TNRC6A: variants seen among roughly 807,000 people sequenced by gnomAD.
TNRC6A encodes trinucleotide repeat containing adaptor 6A.
A neutral mutation model predicts 221.2 loss-of-function variants in TNRC6A; 44 were observed. The observed-to-expected ratio is 0.20, with a 90% CI of 0.16 to 0.26. The LOEUF (loss-of-function observed/expected upper bound fraction) is 0.26. Among genes scored for constraint, TNRC6A ranks in the 10% least tolerant of loss-of-function variants. The pLI is 1.00. For missense variants in TNRC6A, 2,199 were observed against 2,404.4 expected (o/e 0.91, Z 1.79); for synonymous variants, 847 against 838.5 (o/e 1.01, Z -0.18).
chr16:24,628,277 G>A (rs1305531173), intron 1 of TNRC6A, among the ~76,000 whole-genome samples: 1 of 151,772 alleles, frequency 6.6e-6, no homozygotes, highest in African/African-American at 2.4e-5. Flanking sequence ...AAAATTAGCT[G>A]GGTGTGGTGG....
At chr16:24,656,265 C>A in intron 2 of TNRC6A, among the ~76,000 whole-genome samples, 1 of 151,682 alleles carries the variant, frequency 6.6e-6, no homozygotes. Context: ...GAGTTCGAAA[C>A]CAGCCTGGCC....
At chr16:24,626,522 C>T (rs529246672) in intron 1 of TNRC6A, among the ~76,000 whole-genome samples, 2 of 152,154 alleles carry the variant, frequency 1.3e-5, no homozygotes, top group South Asian at 2.1e-4. Context: ...ACTTTCAAGC[C>T]TTTTCCTGCT....
chr16:24,704,664 CAAAAAAAAAAAAAAAAAA>C (rs58926085), intron 2 of TNRC6A, among the ~76,000 whole-genome samples: 3 of 69,458 alleles, frequency 4.3e-5, no homozygotes, highest in South Asian at 5.8e-4. Context: ...GACTCCGTCT[CAAAAAAAAAAAAAAAAAA>C]AAAAAAAAAA....
At position 24,669,941 on chromosome 16, in the gene TNRC6A, C is replaced by CTTTTTTT. The variant is rs535737725; in HGVS notation, n.402+28953_402+28959dup. Among the ~76,000 whole-genome samples the CTTTTTTT allele has an allele frequency of 6.6e-4, 18 of 27,186 alleles. 7 individuals are homozygous for CTTTTTTT. The highest frequency in any genetic ancestry group is 7.3e-4 in the Non-Finnish European group (11 of 15,100). 17.8% of individuals were successfully genotyped at this position (27,186 alleles called of 152,430 possible). On this transcript the variant is annotated intron_variant and non_coding_transcript_variant, in intron 2 of 2. Transcript: ENST00000566108. ...TCGTTATGACCCTATGAGGCAGCTA[C>CTTTTTTT]TTTTTTTTTTTTTTTTTTTTTTTTT... is the stretch of plus-strand genomic sequence containing the variant.
At chr16:24,758,922 T>C (rs895155316) in intron 4 of TNRC6A, among the ~76,000 whole-genome samples, 4 of 152,064 alleles carry the variant, frequency 2.6e-5, no homozygotes, top group African/African-American at 9.7e-5. Context: ...CACTAATTCC[T>C]CTCAGATCCT....
chr16:24,655,264 G>A (rs746015318), intron 2 of TNRC6A, among the ~76,000 whole-genome samples: 2 of 151,952 alleles, frequency 1.3e-5, no homozygotes, highest in East Asian at 1.9e-4. Flanking sequence ...TTTGAAAGGC[G>A]GGGGGGAACA....
intron 2 of TNRC6A, among the ~76,000 whole-genome samples, chr16:24,722,868 G>A (rs537036006): frequency 6.6e-6 from 1 of 152,324 alleles, no homozygotes; most frequent in African/African-American, 2.4e-5. Context: ...AAAGAAAGCA[G>A]ATTAGAGACC....
At chr16:24,795,788 C>G (rs2058206674) in intron 8 of TNRC6A, 119 bp from the exon 9 acceptor site, 3 of 902,052 alleles carry the variant, frequency 3.3e-6, no homozygotes, top group Non-Finnish European at 3.3e-6. Context: ...GGTGACTTGC[C>G]CAAAGTTGCG....
chr16:24,781,450 T>C (rs569958344), intron 5 of TNRC6A, among the ~76,000 whole-genome samples: 1 of 152,318 alleles, frequency 6.6e-6, no homozygotes, highest in South Asian at 2.1e-4. Context: ...CAGTCTTTAA[T>C]GTATTACATC....
At chr16:24,729,922 G>GGCA (rs1272156953) in intron 1 of TNRC6A, 76 bp downstream of exon 1, 5 of 1,174,018 alleles carry the variant, frequency 4.3e-6, no homozygotes, top group Non-Finnish European at 4.2e-6. Context: ...CCGCGGCGGC[G>GGCA]GCAGCAGAGG....
At chr16:24,638,687 T>A (rs538864895) in intron 1 of TNRC6A, among the ~76,000 whole-genome samples, 2 of 150,902 alleles carry the variant, frequency 1.3e-5, no homozygotes, top group East Asian at 3.9e-4. Context: ...CACTCCAGCC[T>A]GGGCAACAGA....
rs1479279924 is a variant in TNRC6A, at chr16:24,742,882, G to A, written c.54-7844G>A. Among the ~76,000 whole-genome samples, 4 of 152,182 alleles carry A rather than the reference G, an allele frequency of 2.6e-5. No individual in the cohort carries two copies. The East Asian group carries it at 5.8e-4, about 22-fold the overall frequency. On this transcript the variant is annotated intron_variant, in intron 2 of 24. Coordinates refer to ENST00000395799, the MANE Select transcript of TNRC6A (RefSeq NM_014494.4). ...GGAGGCGGAGGTGGCAGTGAGCCGA[G>A]ATCGAGCCATTGCACTCCAGCCTGG... is the stretch of plus-strand genomic sequence containing the variant.
chr16:24,684,913 C>A (rs1393561596), intron 2 of TNRC6A, among the ~76,000 whole-genome samples: 2 of 152,228 alleles, frequency 1.3e-5, no homozygotes, highest in East Asian at 3.8e-4. Context: ...TCACTTTCTT[C>A]TAAACTCACT....
chr16:24,617,478 T>A (rs1900423284), intron 1 of TNRC6A, among the ~76,000 whole-genome samples: 1 of 152,204 alleles, frequency 6.6e-6, no homozygotes, highest in Non-Finnish European at 1.5e-5. Context: ...GAATTATGCT[T>A]CTTTTATTGC....
chr16:24,633,464 G>A (rs945984383), intron 1 of TNRC6A, among the ~76,000 whole-genome samples: 3 of 149,826 alleles, frequency 2.0e-5, no homozygotes, highest in Non-Finnish European at 3.0e-5. Flanking sequence ...GTGCAATCTC[G>A]GCTCACTGCA....
chr16:24,762,326 ATC>A (rs2057381453), intron 4 of TNRC6A, among the ~76,000 whole-genome samples: 1 of 152,208 alleles, frequency 6.6e-6, no homozygotes, highest in Non-Finnish European at 1.5e-5. Context: ...AATATTCACT[ATC>A]TATTAAGTCA....
intron 2 of TNRC6A, among the ~76,000 whole-genome samples, chr16:24,684,472 G>T (rs1046285599): frequency 6.6e-6 from 1 of 151,980 alleles, no homozygotes; most frequent in Non-Finnish European, 1.5e-5. Context: ...ATTTTTACAT[G>T]TCACAAAATA....
rs1314446720 is a variant in TNRC6A at position 24,795,959 on chromosome 16, T to C, written c.3561+20T>C. On this transcript the variant is annotated intron_variant, in intron 9 of 24. Transcript: ENST00000395799. ...GAAAGGGTGTGTAGCCTTTTTACTC[T>C]TTCTCCTTTGTTTCTACTAGTAAAA... The C allele has an allele frequency of 2.5e-6, 4 of 1,613,192 alleles. No individual in the cohort carries two copies. The highest frequency in any genetic ancestry group is 1.7e-5 in the Admixed American group (1 of 59,974).
chr16:24,610,679 A>G (rs988247525), intron 1 of TNRC6A, among the ~76,000 whole-genome samples: 1 of 152,114 alleles, frequency 6.6e-6, no homozygotes, highest in African/African-American at 2.4e-5. Context: ...CTGGGGTGGA[A>G]GGAGCTTCTC....
Sources: allele counts gnomAD v4.1 joint callset (sites outside exome capture counted in the v4.1 genomes callset), GRCh38; gene constraint gnomAD v4.1.1; transcripts MANE v1.5; gene names NCBI Gene and HGNC (gene_info 2026-07-23, HGNC 2026-07-21).